The following TRPC4AP variants were observed in gnomAD, a reference collection of about 807,000 sequenced individuals.
TRPC4AP encodes transient receptor potential cation channel subfamily C member 4 associated protein.
TRPC4AP carries 45 observed loss-of-function variants against 99.0 expected under a neutral mutation model. The ratio of observed to expected loss-of-function variants is 0.45; its 90% CI spans 0.36 to 0.58. The LOEUF (loss-of-function observed/expected upper bound fraction) is 0.58. Ranked by LOEUF, TRPC4AP falls within the 20% of genes least tolerant of loss-of-function variation. The probability of loss-of-function intolerance (pLI) is 0.00; values close to 1 mark genes in which losing one functional copy is unlikely to be tolerated. For missense variants in TRPC4AP, 879 were observed against 985.3 expected, an observed-to-expected ratio of 0.89 and a Z score of 1.44; for synonymous variants, 408 against 385.8, an observed-to-expected ratio of 1.06 and a Z score of -0.67.
At chr20:35,081,953 C>G (rs1410254882) in intron 1 of TRPC4AP, among the ~76,000 whole-genome samples, 1 of 152,124 alleles carries the variant, frequency 6.6e-6, no homozygotes, top group Non-Finnish European at 1.5e-5. Context: ...CCATTGCACT[C>G]CAGCCTGGGT....
intron 2 of TRPC4AP, 113 bp downstream of exon 2, chr20:35,077,933 C>CA: frequency 8.2e-7 from 1 of 1,220,704 alleles, no homozygotes; most frequent in Non-Finnish European, 1.1e-6. Flanking sequence ...CTATAGCTCA[C>CA]ACAGTAAAAA....
chr20:35,087,982 C>T (rs1468756262), intron 1 of TRPC4AP, among the ~76,000 whole-genome samples: 1 of 152,104 alleles, frequency 6.6e-6, no homozygotes, highest in Non-Finnish European at 1.5e-5. Flanking sequence ...TTGAGATGCC[C>T]ATTAGACATC....
At chr20:35,026,585 A>T (rs2083036563) in intron 8 of TRPC4AP, among the ~76,000 whole-genome samples, 1 of 152,152 alleles carries the variant, frequency 6.6e-6, no homozygotes, top group Non-Finnish European at 1.5e-5. Flanking sequence ...CAGCTACTCC[A>T]TTTGTGCAAA....
intron 2 of TRPC4AP, among the ~76,000 whole-genome samples, chr20:35,069,616 C>T (rs1600638922): frequency 6.6e-6 from 1 of 152,132 alleles, no homozygotes; most frequent in South Asian, 2.1e-4. Context: ...CCTCAACTAA[C>T]AGCATGTGGT....
chr20:35,053,143 T>C (rs1281262542), intron 5 of TRPC4AP, among the ~76,000 whole-genome samples: 4 of 152,202 alleles, frequency 2.6e-5, no homozygotes, highest in Admixed American at 1.3e-4. Context: ...ATCAAATCAA[T>C]GTACTTGGGA....
intron 1 of TRPC4AP, among the ~76,000 whole-genome samples, chr20:35,086,994 T>C (rs1222312716): frequency 6.6e-6 from 1 of 150,564 alleles, no homozygotes; most frequent in African/African-American, 2.5e-5. Flanking sequence ...GACTGTGCAC[T>C]GCACTCCAGC....
chr20:35,064,870 C>T (rs1253548588), intron 3 of TRPC4AP, among the ~76,000 whole-genome samples: 1 of 152,162 alleles, frequency 6.6e-6, no homozygotes, highest in Non-Finnish European at 1.5e-5. Flanking sequence ...GATAGAATAA[C>T]CATTATCTTC....
intron 3 of TRPC4AP, 99 bp from the exon 4 acceptor site, chr20:35,057,670 T>C: frequency 1.0e-6 from 1 of 955,570 alleles, no homozygotes; most frequent in South Asian, 1.6e-5. Flanking sequence ...TCTGTCACAG[T>C]ATTACAAGAC....
chr20:35,078,057 T>G lies in TRPC4AP; in HGVS notation c.286A>C (p.Asn96His). The G allele has an allele frequency of 1.2e-6, 2 of 1,613,250 alleles. No individual in the cohort carries two copies. Among genetic ancestry groups the G allele is most frequent in the South Asian group, 2.2e-5 (2 of 91,010 alleles). Reference protein sequence around the residue: ...HLHSDFVECQNILKEISPLLS... With the variant: ...HLHSDFVECQHILKEISPLLS... ...TCCTTAAGAGTTACCTTGAGGATGT[T>G]TTGACACTCAACAAAGTCACTGTGG... The change falls in exon 2 of 19, where the codon AAC (asparagine) becomes CAC (histidine). Residue 96 changes from asparagine (N) to histidine (H), a missense_variant. Coordinates refer to ENST00000252015, the MANE Select transcript of TRPC4AP (RefSeq NM_015638.3).
At chr20:35,065,493 G>A in intron 3 of TRPC4AP, among the ~76,000 whole-genome samples, 1 of 152,210 alleles carries the variant, frequency 6.6e-6, no homozygotes, top group East Asian at 1.9e-4. Flanking sequence ...TGGGCAGCAT[G>A]ACCAAGAGAG....
chr20:35,078,690 A>C (rs1193385485), intron 1 of TRPC4AP, among the ~76,000 whole-genome samples: 1 of 152,216 alleles, frequency 6.6e-6, no homozygotes, highest in African/African-American at 2.4e-5. Context: ...AAAGAGACTA[A>C]AAGAATGGAT....
At chr20:35,076,817 A>T (rs552529023) in intron 2 of TRPC4AP, among the ~76,000 whole-genome samples, 2 of 152,336 alleles carry the variant, frequency 1.3e-5, no homozygotes, top group East Asian at 3.9e-4. Context: ...TTAAACCTGC[A>T]GAAGTTTCTG....
chr20:35,043,885 C>G (rs2083497338), intron 7 of TRPC4AP, among the ~76,000 whole-genome samples: 1 of 152,132 alleles, frequency 6.6e-6, no homozygotes, highest in Admixed American at 6.5e-5. Context: ...GTCTATACAT[C>G]ATTATCTATA....
chr20:35,055,152 A>G, intron 4 of TRPC4AP, 121 bp from the exon 5 acceptor site: 1 of 831,758 alleles, frequency 1.2e-6, no homozygotes, highest in Non-Finnish European at 1.9e-6. Context: ...TTTTTCCTTT[A>G]ATATACTTCT....
chr20:35,060,182 CCT>C (rs1225979682), intron 3 of TRPC4AP, among the ~76,000 whole-genome samples: 2 of 152,078 alleles, frequency 1.3e-5, no homozygotes, highest in African/African-American at 4.8e-5. Context: ...CGAGTATTAC[CCT>C]GATACCAAAA....
At chr20:35,052,873 C>A (rs1192161828) in intron 5 of TRPC4AP, among the ~76,000 whole-genome samples, 1 of 152,114 alleles carries the variant, frequency 6.6e-6, no homozygotes, top group South Asian at 2.1e-4. Flanking sequence ...TTACACAAGT[C>A]CCCACTCCAA....
In TRPC4AP at chr20:35,073,050, G is replaced by A. The variant is rs143384803; in HGVS notation, c.298-3638C>T. 4.3e-3 allele frequency among the ~76,000 whole-genome samples: 659 copies of A among 152,310 alleles called. 3 individuals are homozygous for A. Among genetic ancestry groups the A allele is most frequent in the African/African-American group, 0.015 (633 of 41,542 alleles). On this transcript the variant is annotated intron_variant, in intron 2 of 18. Coordinates refer to ENST00000252015, the MANE Select transcript of TRPC4AP (RefSeq NM_015638.3). Reference sequence around the variant, plus strand: ...ATTTTAGTCTCTTTGTAGCAATTGTGAATGGGAGTTCACTCATGATTTGGC... The same window carrying A: ...ATTTTAGTCTCTTTGTAGCAATTGTAAATGGGAGTTCACTCATGATTTGGC...
In TRPC4AP at chr20:35,003,118, C is replaced by A; in HGVS notation, c.*28G>T. On this transcript the variant is annotated 3_prime_UTR_variant, in exon 19 of 19. Coordinates refer to ENST00000252015, the MANE Select transcript of TRPC4AP (RefSeq NM_015638.3). The stretch of plus-strand genomic sequence containing the variant: ...GTACCCACGCTCACCCACACTGGCC[C>A]AGCAGCCTCCCGAGGCCTGGCCCAA... The A allele has an allele frequency of 6.2e-7, 1 of 1,613,154 alleles. No homozygotes were observed. Among genetic ancestry groups the A allele is most frequent in the South Asian group, 1.1e-5 (1 of 91,004 alleles).
rs1569158071 is a variant in TRPC4AP at position 35,086,539 on chromosome 20, G to GTT, written c.168+6074_168+6075insAA. ...TGTGTGTATATATGTGTGTGTGTGTGTGTGTGTGTGTGTGTGTGTGTGTGT... is the reference window on the plus strand; with the variant it reads ...TGTGTGTATATATGTGTGTGTGTGTGTTTGTGTGTGTGTGTGTGTGTGTGTGT... On this transcript the variant is annotated intron_variant, in intron 1 of 18. Transcript: ENST00000252015. 1.2e-4 allele frequency among the ~76,000 whole-genome samples: 2 copies of GTT among 16,268 alleles called. 1 individual carries two copies. The allele number at this position is 16,268 out of a possible 152,430, so 10.7% of individuals were successfully genotyped here.
Sources: gnomAD v4.1 joint callset for allele counts (sites outside exome capture counted in the v4.1 genomes callset) on GRCh38, gnomAD v4.1.1 for gene constraint, MANE v1.5 for transcripts, NCBI Gene and HGNC (gene_info 2026-07-23, HGNC 2026-07-21) for gene names.